LCORL: variants seen among roughly 807,000 people sequenced by gnomAD.
LCORL encodes the protein ligand dependent nuclear receptor corepressor like, also known as ligand-dependent nuclear receptor corepressor-like protein.
A neutral mutation model predicts 141.8 loss-of-function variants in LCORL; 41 were observed. That is an observed-to-expected ratio of 0.29 (90% CI 0.23 to 0.38). The LOEUF is 0.38. Ranked by LOEUF, LCORL falls within the 10% of genes least tolerant of loss-of-function variation. The probability of loss-of-function intolerance (pLI) is 1.00; values close to 1 mark genes in which losing one functional copy is unlikely to be tolerated. For missense variants in LCORL, 1,759 were observed against 2,035.0 expected (o/e 0.86, Z 2.61); for synonymous variants, 618 against 694.1 (o/e 0.89, Z 1.72).
chr4:17,921,912 G>A (rs1184808134), intron 4 of LCORL, among the ~76,000 whole-genome samples: 1 of 152,070 alleles, frequency 6.6e-6, no homozygotes, highest in African/African-American at 2.4e-5. Flanking sequence ...TCCTGCCCTC[G>A]AACATCAAAC....
chr4:17,911,913 G>A (rs1200271398), intron 4 of LCORL: 1 of 524,442 alleles, frequency 1.9e-6, no homozygotes, highest in African/African-American at 1.9e-5. Context: ...TCCAGAACGA[G>A]GAGGAGACCA....
At chr4:17,856,396 C>G (rs1724373834) in intron 7 of LCORL, among the ~76,000 whole-genome samples, 1 of 152,156 alleles carries the variant, frequency 6.6e-6, no homozygotes, top group Non-Finnish European at 1.5e-5. Flanking sequence ...AGGGTCCTCT[C>G]TGCCATGTGA....
At chr4:17,891,745 T>G (rs2109251633) in intron 5 of LCORL, among the ~76,000 whole-genome samples, 1 of 152,300 alleles carries the variant, frequency 6.6e-6, no homozygotes, top group Admixed American at 6.5e-5. Context: ...TGTAAATATG[T>G]TTTGCATGTA....
chr4:17,892,111 TG>T (rs1463962586), intron 5 of LCORL, among the ~76,000 whole-genome samples: 3 of 152,172 alleles, frequency 2.0e-5, no homozygotes, highest in Non-Finnish European at 4.4e-5. Context: ...GTTTCAGTCA[TG>T]GGAGAAATAA....
chr4:17,901,386 T>TA (rs66571587), intron 5 of LCORL, among the ~76,000 whole-genome samples: 2,914 of 140,974 alleles, frequency 0.021, 92 homozygotes, highest in East Asian at 0.15. Context: ...GAAAATGAAA[T>TA]AAAAAAAAAA....
At chr4:17,882,873 T>C (rs1727761557) in intron 6 of LCORL, 1 of 977,374 alleles carries the variant, frequency 1.0e-6, no homozygotes, top group Non-Finnish European at 1.2e-6. Context: ...CTAAGTTGCA[T>C]TCCAACTTTC....
intron 7 of LCORL, among the ~76,000 whole-genome samples, chr4:17,849,264 G>A (rs1723332920): frequency 6.6e-6 from 1 of 152,168 alleles, no homozygotes; most frequent in Non-Finnish European, 1.5e-5. Flanking sequence ...AGCCTAACTG[G>A]GAGGCACCCC....
chr4:17,864,987 G>C (rs79649121), intron 7 of LCORL, among the ~76,000 whole-genome samples: 1 of 152,188 alleles, frequency 6.6e-6, no homozygotes, highest in East Asian at 1.9e-4. Context: ...TATTTACAAA[G>C]CTTCAAAATA....
At chr4:17,853,327 A>G (rs1560252942) in intron 7 of LCORL, among the ~76,000 whole-genome samples, 1 of 152,148 alleles carries the variant, frequency 6.6e-6, no homozygotes. Context: ...ACAGAAAGAT[A>G]TGCCTAAGGC....
chr4:17,895,921 T>A (rs1729855417), intron 5 of LCORL, among the ~76,000 whole-genome samples: 1 of 152,216 alleles, frequency 6.6e-6, no homozygotes, highest in Non-Finnish European at 1.5e-5. Context: ...ATGTACAATA[T>A]TTTACTTATC....
chr4:17,979,415 C>T (rs1039366314), intron 1 of LCORL, among the ~76,000 whole-genome samples: 1 of 152,160 alleles, frequency 6.6e-6, no homozygotes, highest in Non-Finnish European at 1.5e-5. Context: ...GACGTTCATC[C>T]TCTGACTTGT....
chr4:17,875,739 A>AT lies in LCORL; in HGVS notation c.3250dup (p.Ile1084AsnfsTer10), dbSNP rs1351091814. On this transcript the variant is annotated frameshift_variant, in exon 7 of 8. Coordinates refer to ENST00000635767, the Ensembl canonical transcript of LCORL. LOFTEE classifies it high-confidence loss of function. ...AATCTGTTTCACAACTTGGGGACCT[A>AT]TTTTTTTTGGTCTACCTGGTTTTCT... The AT allele has an allele frequency of 3.3e-6, 4 of 1,228,940 alleles. No homozygotes were observed. The highest frequency in any genetic ancestry group is 1.6e-5 in the African/African-American group (1 of 64,104). 76.1% of individuals were successfully genotyped at this position (1,228,940 alleles called of 1,614,324 possible).
intron 7 of LCORL, among the ~76,000 whole-genome samples, chr4:17,856,132 G>A (rs984268413): frequency 1.3e-5 from 2 of 152,124 alleles, no homozygotes; most frequent in African/African-American, 4.8e-5. Context: ...CATTAAAATA[G>A]CACTTAGTAA....
intron 5 of LCORL, chr4:17,893,248 T>C (rs1481068258): frequency 2.4e-6 from 1 of 421,840 alleles, no homozygotes; most frequent in Non-Finnish European, 3.2e-6. Flanking sequence ...GATCCAGCAA[T>C]TTCACTTCTA....
At position 18,000,038 on chromosome 4, in the gene LCORL, T is replaced by A. The variant is rs568080400; in HGVS notation, c.154+21560A>T. 3.9e-5 allele frequency among the ~76,000 whole-genome samples: 6 copies of A among 152,228 alleles called. No homozygotes were observed. The South Asian group carries it at 8.3e-4, about 21-fold the overall frequency. On this transcript the variant is annotated intron_variant, in intron 1 of 7. Transcript: ENST00000635767. ...TTTAGCACAATTTGACAATAACACA[T>A]TTTAAGGTAACTCTGCACATCTAAC...
chr4:17,990,780 C>T (rs1326711037), intron 1 of LCORL, among the ~76,000 whole-genome samples: 3 of 151,798 alleles, frequency 2.0e-5, no homozygotes, highest in African/African-American at 2.4e-5. Flanking sequence ...GAGGACTGCA[C>T]TGTCAGGGTT....
intron 2 of LCORL, among the ~76,000 whole-genome samples, chr4:17,964,978 T>G (rs1714592530): frequency 6.6e-6 from 1 of 152,020 alleles, no homozygotes; most frequent in Non-Finnish European, 1.5e-5. Flanking sequence ...TCATAAAGTT[T>G]CAGTGATAAA....
At chr4:17,911,111 T>C (rs973378946) in intron 4 of LCORL, among the ~76,000 whole-genome samples, 13 of 152,134 alleles carry the variant, frequency 8.5e-5, no homozygotes, top group Non-Finnish European at 1.5e-4. Flanking sequence ...TGGGATACTA[T>C]TTATGGGGCT....
Position 17,944,252 on chromosome 4 carries a change from T to C in LCORL, c.430+17651A>G, listed in dbSNP as rs1307558460. Among the ~76,000 whole-genome samples the C allele has an allele frequency of 2.6e-5, 4 of 152,192 alleles. No homozygotes were observed. The East Asian group carries it at 7.7e-4, about 29-fold the overall frequency. ...ACTTTAAAATGTACAATTAAATTAT[T>C]ATTGACTATAGACCCCTGTTGTGCT... On this transcript the variant is annotated intron_variant, in intron 4 of 7. Transcript: ENST00000635767.
Sources: allele counts gnomAD v4.1 joint callset (sites outside exome capture counted in the v4.1 genomes callset), GRCh38; gene constraint gnomAD v4.1.1; transcripts MANE v1.5; gene names NCBI Gene and HGNC (gene_info 2026-07-23, HGNC 2026-07-21).